SEC14L2: variants seen among roughly 807,000 people sequenced by gnomAD.
SEC14L2 encodes the protein SEC14 like lipid binding 2.
A neutral mutation model predicts 56.9 loss-of-function variants in SEC14L2; 50 were observed. That is an observed-to-expected ratio of 0.88 (90% CI 0.70 to 1.11). SEC14L2 has a LOEUF of 1.11. Ranked by LOEUF, SEC14L2 falls within the 50% of genes most tolerant of loss-of-function variation. The pLI is 0.00. For missense variants in SEC14L2, 414 were observed against 500.7 expected, an observed-to-expected ratio of 0.83 and a Z score of 1.65; for synonymous variants, 179 against 188.5, an observed-to-expected ratio of 0.95 and a Z score of 0.41.
chr22:30,422,442 G>A lies in SEC14L2; in HGVS notation c.*35G>A, dbSNP rs747031073. ...CTATAGCAGGCCTGGCCCCCTCAGT[G>A]TCTCCCTGTCAATTTCTACCCCTTG... On this transcript the variant is annotated 3_prime_UTR_variant, in exon 12 of 12. Coordinates refer to ENST00000615189, the MANE Select transcript of SEC14L2 (RefSeq NM_012429.5). The A allele has an allele frequency of 3.7e-6, 6 of 1,612,490 alleles. No homozygotes were observed. The highest frequency in any genetic ancestry group is 2.5e-6 in the Non-Finnish European group (3 of 1,179,336).
chr22:30,415,453 G>T (rs142510641), intron 8 of SEC14L2, among the ~76,000 whole-genome samples: 318 of 152,226 alleles, frequency 2.1e-3, no homozygotes, highest in Middle Eastern at 3.4e-3. Context: ...GCCTTCTCAA[G>T]TACTTAGTTC....
At chr22:30,417,551 G>A (rs559106978) in intron 11 of SEC14L2, among the ~76,000 whole-genome samples, 1 of 84,194 alleles carries the variant, frequency 1.2e-5, no homozygotes, top group Admixed American at 1.4e-4. Context: ...TTCGGTTTCC[G>A]GACTGCTACA....
chr22:30,400,541 C>T (rs750724950), intron 2 of SEC14L2: 2 of 152,176 alleles, frequency 1.3e-5, no homozygotes, highest in Non-Finnish European at 2.9e-5. Flanking sequence ...CCTGATTCTT[C>T]TGACACTTTT....
intron 1 of SEC14L2, among the ~76,000 whole-genome samples, chr22:30,399,284 T>C (rs771959703): frequency 6.6e-6 from 1 of 151,828 alleles, no homozygotes; most frequent in Non-Finnish European, 1.5e-5. Context: ...TAGACCGAGA[T>C]GGGCGGATCA....
At chr22:30,414,176 G>A (rs1934326714) in intron 8 of SEC14L2, among the ~76,000 whole-genome samples, 2 of 152,294 alleles carry the variant, frequency 1.3e-5, no homozygotes, top group South Asian at 4.1e-4. Context: ...TGTAAGATGG[G>A]AAGAATCCTC....
At position 30,416,032 on chromosome 22, in the gene SEC14L2, C is replaced by T. The variant is rs756065599; in HGVS notation, c.856C>T (p.Arg286Cys). The change falls in exon 10 of 12, where the codon CGT (arginine) becomes TGT (cysteine). Residue 286 changes from arginine (R) to cysteine (C), a missense_variant. By Grantham distance (180) the Arg-to-Cys change is radical. Transcript: ENST00000615189. ...QQYEHSVQIS[R>C]GSSHQVEYEI... The stretch of plus-strand genomic sequence containing the variant: ...GTATGAACACAGCGTGCAGATTTCC[C>T]GTGGCTCCTCCCACCAAGTGGAGTA... 3.7e-6 allele frequency: 6 copies of T among 1,614,108 alleles called. No individual in the cohort carries two copies. The highest frequency in any genetic ancestry group is 1.1e-5 in the South Asian group (1 of 91,084).
At chr22:30,422,153 C>A in intron 11 of SEC14L2, 124 bp from the exon 12 acceptor site, 2 of 1,197,022 alleles carry the variant, frequency 1.7e-6, no homozygotes, top group Non-Finnish European at 1.2e-6. Flanking sequence ...ATTACCTAGG[C>A]TACCTTCATC....
rs548572658 is a variant in SEC14L2, at chr22:30,402,724, T to C, written c.130+3006T>C. Among the ~76,000 whole-genome samples, 17 of 149,922 alleles carry C rather than the reference T, an allele frequency of 1.1e-4. 1 individual carries two copies. The South Asian group carries it at 3.2e-3, about 28-fold the overall frequency. ...GAGCTCAGGCCTGGTCAGAACCTAA[T>C]ATGAATCTCAATTGGGTTTTTTTTT... On this transcript the variant is annotated intron_variant, in intron 2 of 11. Coordinates refer to ENST00000615189, the MANE Select transcript of SEC14L2 (RefSeq NM_012429.5).
rs537868674 is a variant in SEC14L2 at position 30,399,680 on chromosome 22, C to A, written c.92C>A (p.Pro31Gln). ...GTCCAGGATGTGCTGCCGGCCCTGC[C>A]GAATCCAGATGACTATTTTCTCCTG... The part of the protein sequence containing the change: ...ENVQDVLPAL[P>Q]NPDDYFLLRW... The change falls in exon 2 of 12, where the codon CCG becomes CAG. Residue 31 changes from proline (P) to glutamine (Q), a missense_variant. Pro to Gln is a moderately conservative substitution (Grantham distance 76, BLOSUM62 -1). Transcript: ENST00000615189. 1.2e-6 allele frequency: 2 copies of A among 1,613,916 alleles called. No homozygotes were observed. Among genetic ancestry groups the A allele is most frequent in the Middle Eastern group, 1.7e-4 (1 of 6,046 alleles).
In SEC14L2 at chr22:30,408,145, T is replaced by C. The variant is rs1159640131; in HGVS notation, c.423+542T>C. ...AGGAGTCCTTTAAATTGAATAAATTTAGCTTCATAAAAAACTCACTACATT... is the reference window on the plus strand; with the variant it reads ...AGGAGTCCTTTAAATTGAATAAATTCAGCTTCATAAAAAACTCACTACATT... On this transcript the variant is annotated intron_variant, in intron 5 of 11. Transcript: ENST00000615189. Among the ~76,000 whole-genome samples, 10 of 151,842 alleles carry C rather than the reference T, an allele frequency of 6.6e-5. No individual in the cohort carries two copies. The East Asian group carries it at 1.8e-3, about 27-fold the overall frequency.
chr22:30,410,520 C>T, intron 7 of SEC14L2, 76 bp from the exon 8 acceptor site: 1 of 1,351,536 alleles, frequency 7.4e-7, no homozygotes. Context: ...AGGAGGGTAG[C>T]AGGTGCTGCA....
chr22:30,399,626 G>A lies in SEC14L2; in HGVS notation c.55-17G>A, dbSNP rs372263309. On this transcript the variant is annotated splice_polypyrimidine_tract_variant and intron_variant, in intron 1 of 11. Coordinates refer to ENST00000615189, the MANE Select transcript of SEC14L2 (RefSeq NM_012429.5). ...CAGGGCGGGCCCTACCACTCACCCC[G>A]ATGCCTCTCCCTACAGTTTCGGGAG... 9.4e-6 allele frequency: 15 copies of A among 1,602,542 alleles called. No individual in the cohort carries two copies. The highest frequency in any genetic ancestry group is 6.7e-5 in the African/African-American group (5 of 74,592).
chr22:30,418,900 C>T (rs1200999166), intron 11 of SEC14L2, among the ~76,000 whole-genome samples: 1 of 152,208 alleles, frequency 6.6e-6, no homozygotes, highest in East Asian at 1.9e-4. Flanking sequence ...AGCACATTAA[C>T]CTTCCCCAGG....
chr22:30,422,377 G>A lies in SEC14L2; in HGVS notation c.1182G>A (p.Met394Ile). 1 of 1,614,202 alleles carries A rather than the reference G, an allele frequency of 6.2e-7. No individual in the cohort carries two copies. Among genetic ancestry groups the A allele is most frequent in the African/African-American group, 1.3e-5 (1 of 75,058 alleles). Reference sequence around the variant, plus strand: ...CAGACAAAGCCTCAGAAGAGAAGATGAAACAGCTGGGGGCAGGCACCCCGA... The same window carrying A: ...CAGACAAAGCCTCAGAAGAGAAGATAAAACAGCTGGGGGCAGGCACCCCGA... Reference protein sequence around the residue: ...LLPDKASEEKMKQLGAGTPK With the variant: ...LLPDKASEEKIKQLGAGTPK The change falls in exon 12 of 12, where the codon ATG becomes ATA. Residue 394 changes from methionine to isoleucine, a missense_variant. Transcript: ENST00000615189.
chr22:30,423,718 T>C lies in SEC14L2; in HGVS notation c.*1311T>C, dbSNP rs1934586244. ...AGGGAGCTCAGGGCAAAGGCCAGGC[T>C]AGCGCGGACCGGAAGGGGCCGAGGC... is the stretch of plus-strand genomic sequence containing the variant. On this transcript the variant is annotated 3_prime_UTR_variant, in exon 12 of 12. Coordinates refer to ENST00000615189, the MANE Select transcript of SEC14L2 (RefSeq NM_012429.5). 6.6e-6 allele frequency: 1 copy of C among 152,302 alleles called. No individual in the cohort carries two copies. The highest frequency in any genetic ancestry group is 2.4e-5 in the African/African-American group (1 of 41,480). The allele number at this position is 152,302 out of a possible 1,614,324, so 9.4% of individuals were successfully genotyped here. A position where few individuals can be genotyped will look rare whatever the true frequency, so the allele number is the denominator to read the frequency against.
chr22:30,397,784 G>A (rs1933799045), intron 1 of SEC14L2: 1 of 466,642 alleles, frequency 2.1e-6, no homozygotes, highest in African/African-American at 2.0e-5. Context: ...GTGTTAGTTT[G>A]AGCTGAGACC....
At chr22:30,419,867 C>T (rs1934470721) in intron 11 of SEC14L2, among the ~76,000 whole-genome samples, 1 of 151,986 alleles carries the variant, frequency 6.6e-6, no homozygotes, top group Admixed American at 6.6e-5. Context: ...AAGGTTGTAC[C>T]TTTCCCATTG....
At chr22:30,405,847 GT>G (rs1437945762) in intron 2 of SEC14L2, among the ~76,000 whole-genome samples, 2 of 152,038 alleles carry the variant, frequency 1.3e-5, no homozygotes, top group South Asian at 2.1e-4. Flanking sequence ...TAGCTAATTA[GT>G]TTTTTTGTTT....
intron 1 of SEC14L2, among the ~76,000 whole-genome samples, chr22:30,398,284 G>A (rs958227124): frequency 6.6e-6 from 1 of 152,206 alleles, no homozygotes; most frequent in African/African-American, 2.4e-5. Flanking sequence ...TCCTTGGAGA[G>A]GGGTAGCTTC....
Sources: gnomAD v4.1 joint callset for allele counts (sites outside exome capture counted in the v4.1 genomes callset) on GRCh38, gnomAD v4.1.1 for gene constraint, MANE v1.5 for transcripts, NCBI Gene and HGNC (gene_info 2026-07-23, HGNC 2026-07-21) for gene names.